MYRFL: variants seen among roughly 807,000 people sequenced by gnomAD.
MYRFL encodes the protein myelin regulatory factor like.
A neutral mutation model predicts 109.4 loss-of-function variants in MYRFL; 88 were observed. The observed-to-expected ratio is 0.80, with a 90% CI of 0.68 to 0.96. MYRFL has a LOEUF of 0.96. Among genes scored for constraint, MYRFL ranks in the 40% least tolerant of loss-of-function variants. The pLI, the probability that MYRFL is intolerant of heterozygous loss-of-function variation, is 0.00. For missense variants in MYRFL, 957 were observed against 954.9 expected (o/e 1.00, Z -0.03); for synonymous variants, 324 against 320.9 (o/e 1.01, Z -0.10).
chr12:69,883,437 C>CA (rs1271300424), intron 5 of MYRFL, among the ~76,000 whole-genome samples: 1 of 152,046 alleles, frequency 6.6e-6, no homozygotes, highest in African/African-American at 2.4e-5. Flanking sequence ...AAAAAGATAC[C>CA]AAATGGCCAT....
Position 69,945,999 on chromosome 12 carries a change from A to G in MYRFL, c.2225-6114A>G, listed in dbSNP as rs1190493841. 2.2e-3 allele frequency among the ~76,000 whole-genome samples: 321 copies of G among 146,992 alleles called. 1 individual carries two copies. Among genetic ancestry groups the G allele is most frequent in the African/African-American group, 7.8e-3 (310 of 39,924 alleles). On this transcript the variant is annotated intron_variant, in intron 19 of 24. Transcript: ENST00000552032. The stretch of plus-strand genomic sequence containing the variant: ...GAGACTCCGTCTCAAAAAAAAAAAA[A>G]AAAAAAAAAAAAAAATTATAGAAAC...
chr12:69,886,774 A>G (rs1242324381), intron 5 of MYRFL, 46 bp from the exon 6 acceptor site: 1 of 1,531,694 alleles, frequency 6.5e-7, no homozygotes, highest in East Asian at 2.4e-5. Flanking sequence ...TGAGTTTAGG[A>G]AAAACAGCCT....
At chr12:69,848,878 G>A (rs919818810) in intron 1 of MYRFL, among the ~76,000 whole-genome samples, 7 of 151,952 alleles carry the variant, frequency 4.6e-5, no homozygotes, top group Admixed American at 1.3e-4. Context: ...TTTTGTTTTT[G>A]TTATTGATTA....
At chr12:69,868,025 A>G (rs531436867) in intron 2 of MYRFL, among the ~76,000 whole-genome samples, 13 of 152,258 alleles carry the variant, frequency 8.5e-5, no homozygotes, top group African/African-American at 3.1e-4. Context: ...GTGGTAGACC[A>G]TCTGACTCCA....
Position 69,910,087 on chromosome 12 carries a change from C to T in MYRFL, c.1492+10C>T. 1 of 1,477,542 alleles carries T rather than the reference C, an allele frequency of 6.8e-7. No homozygotes were observed. The highest frequency in any genetic ancestry group is 9.0e-7 in the Non-Finnish European group (1 of 1,116,360). The allele number at this position is 1,477,542 out of a possible 1,614,324, so 91.5% of individuals were successfully genotyped here. A position where few individuals can be genotyped will look rare whatever the true frequency, so the allele number is the denominator to read the frequency against. On this transcript the variant is annotated intron_variant, in intron 12 of 24. Transcript: ENST00000552032. Reference sequence around the variant, plus strand: ...ACTGCCCATCAAACAGGTACACACACAAATTCCCCTTTTAATTTTGTATTG... The same window carrying T: ...ACTGCCCATCAAACAGGTACACACATAAATTCCCCTTTTAATTTTGTATTG...
intron 7 of MYRFL, among the ~76,000 whole-genome samples, chr12:69,891,626 C>CTTT (rs3050161): frequency 8.5e-4 from 16 of 18,830 alleles, no homozygotes; most frequent in African/African-American, 2.2e-3. Flanking sequence ...TTTCTTTCCT[C>CTTT]CTTCCTTTCT....
intron 21 of MYRFL, among the ~76,000 whole-genome samples, chr12:69,953,450 C>T (rs568508326): frequency 5.3e-5 from 8 of 152,162 alleles, no homozygotes; most frequent in Admixed American, 5.2e-4. Context: ...TCAAAGAGTA[C>T]AGTGTGCCAG....
At chr12:69,927,394 CAG>C (rs1460037543) in intron 14 of MYRFL, among the ~76,000 whole-genome samples, 1 of 147,822 alleles carries the variant, frequency 6.8e-6, no homozygotes, top group African/African-American at 2.5e-5. Flanking sequence ...GTTTGGTCCT[CAG>C]GGGGAAAACT....
intron 2 of MYRFL, among the ~76,000 whole-genome samples, chr12:69,863,715 T>C (rs1884839508): frequency 6.6e-6 from 1 of 152,236 alleles, no homozygotes. Context: ...GCTATTACAT[T>C]GACCCAAGCA....
In MYRFL at chr12:69,957,649, A is replaced by C. The variant is rs1195583555; in HGVS notation, c.2451-173A>C. Among the ~76,000 whole-genome samples, 3 of 152,264 alleles carry C rather than the reference A, an allele frequency of 2.0e-5. No individual in the cohort carries two copies. In the East Asian group the frequency reaches 5.8e-4, roughly 29 times the overall value. The stretch of plus-strand genomic sequence containing the variant: ...TTGGGTTTCCTTTTGTAGTAATGAG[A>C]TGTGAGCTGGCCTATTGGCATCGGT... On this transcript the variant is annotated intron_variant, in intron 22 of 24. Transcript: ENST00000552032.
intron 19 of MYRFL, among the ~76,000 whole-genome samples, chr12:69,948,068 T>A (rs1228244817): frequency 1.3e-5 from 2 of 152,162 alleles, no homozygotes; most frequent in African/African-American, 2.4e-5. Context: ...ATGAAGCTTA[T>A]AATGAATATC....
chr12:69,861,052 C>T (rs1884628842), intron 2 of MYRFL, among the ~76,000 whole-genome samples: 1 of 149,750 alleles, frequency 6.7e-6, no homozygotes. Context: ...CCAATTTCAT[C>T]CATGTCCCTA....
At chr12:69,891,290 A>G (rs192566395) in intron 7 of MYRFL, 124 bp downstream of exon 7, 4 of 694,038 alleles carry the variant, frequency 5.8e-6, no homozygotes, top group East Asian at 3.1e-5. Context: ...TTTGGTCACA[A>G]ATCTGCAACT....
intron 13 of MYRFL, among the ~76,000 whole-genome samples, chr12:69,924,081 C>T (rs1379118467): frequency 1.3e-5 from 2 of 150,716 alleles, no homozygotes; most frequent in African/African-American, 4.9e-5. Context: ...CCCAGCTACT[C>T]AGGAGGCTGA....
chr12:69,955,396 T>C lies in MYRFL; in HGVS notation c.2409T>C (p.Asn803=). 1.5e-6 allele frequency: 1 copy of C among 663,424 alleles called. No individual in the cohort carries two copies. Among genetic ancestry groups the C allele is most frequent in the Non-Finnish European group, 2.7e-6 (1 of 371,514 alleles). The allele number at this position is 663,424 out of a possible 1,614,324, so 41.1% of individuals were successfully genotyped here. The change falls in exon 22 of 25, where the codon AAT becomes AAC. Residue 803 remains asparagine, a synonymous_variant. Transcript: ENST00000552032. ...SGNYNYNIPV[N]KHTPTNVKFS... is the part of the protein sequence containing the mutation. ...ATTATAATTACAATATTCCTGTTAA[T>C]AAACACACACCCACCAATGTCAAGT...
chr12:69,940,112 A>C (rs1955597821), intron 19 of MYRFL, among the ~76,000 whole-genome samples: 1 of 151,966 alleles, frequency 6.6e-6, no homozygotes, highest in African/African-American at 2.4e-5. Flanking sequence ...AATGGAACCA[A>C]GTTGGAAAAC....
At chr12:69,873,033 C>G (rs1885445728) in intron 2 of MYRFL, among the ~76,000 whole-genome samples, 1 of 152,210 alleles carries the variant, frequency 6.6e-6, no homozygotes, top group South Asian at 2.1e-4. Flanking sequence ...TGCAATACCT[C>G]TACTGGATGC....
intron 7 of MYRFL, among the ~76,000 whole-genome samples, chr12:69,893,179 A>T (rs1169820468): frequency 6.6e-6 from 1 of 152,240 alleles, no homozygotes; most frequent in Admixed American, 6.5e-5. Context: ...ATTTGTTACA[A>T]TGTGAATACC....
intron 13 of MYRFL, among the ~76,000 whole-genome samples, chr12:69,912,698 C>T (rs1954609836): frequency 6.6e-6 from 1 of 152,062 alleles, no homozygotes; most frequent in South Asian, 2.1e-4. Context: ...ATATCCATTC[C>T]TATGTTGATG....
Sources: allele counts gnomAD v4.1 joint callset (sites outside exome capture counted in the v4.1 genomes callset), GRCh38; gene constraint gnomAD v4.1.1; transcripts MANE v1.5; gene names NCBI Gene and HGNC (gene_info 2026-07-23, HGNC 2026-07-21).